Variants in INPP5D observed in about 807,000 individuals in gnomAD.
INPP5D encodes the protein phosphatidylinositol 3,4,5-trisphosphate 5-phosphatase 1.
INPP5D carries 33 observed loss-of-function variants against 122.9 expected under a neutral mutation model. That is an observed-to-expected ratio of 0.27 (90% confidence interval 0.20 to 0.36). The LOEUF is 0.36. INPP5D is among the 10% of genes least tolerant of loss of function. The probability of loss-of-function intolerance (pLI) is 1.00; values close to 1 mark genes in which losing one functional copy is unlikely to be tolerated. For synonymous variants in INPP5D, 584 were observed against 576.2 expected, an observed-to-expected ratio of 1.01 and a Z score of -0.19; for missense variants, 1,053 against 1,412.7, an observed-to-expected ratio of 0.75 and a Z score of 4.08.
rs768632204 is a variant in INPP5D, at chr2:233,185,913, G to C, written c.2346G>C (p.Glu782Asp). 1.2e-6 allele frequency: 2 copies of C among 1,605,148 alleles called. No individual in the cohort carries two copies. Among genetic ancestry groups the C allele is most frequent in the Non-Finnish European group, 1.7e-6 (2 of 1,175,818 alleles). ...GGGAGCTGGTGGTGAAGTTTGGTGA[G>C]ACTCTTCCAAAGGTAATTCTAGAGC... ...SEGELVVKFG[E>D]TLPKLKPIIS... The change falls in exon 21 of 27, where the codon GAG (glutamate) becomes GAC (aspartate). Residue 782 changes from glutamate (E) to aspartate (D), a missense_variant. This residue lies in a region of INPP5D where 258 missense variants were observed against 439.1 expected (regional missense o/e 0.59). Transcript: ENST00000445964.
intron 1 of INPP5D, among the ~76,000 whole-genome samples, chr2:233,074,611 G>GT (rs556545421): frequency 1.6e-4 from 24 of 151,396 alleles, no homozygotes; most frequent in Admixed American, 3.9e-4. Context: ...GGTGCAAATA[G>GT]TTTTTTTTGT....
chr2:233,107,915 T>G (rs1692510351), intron 2 of INPP5D, among the ~76,000 whole-genome samples: 1 of 152,140 alleles, frequency 6.6e-6, no homozygotes, highest in Non-Finnish European at 1.5e-5. Flanking sequence ...ACACTGAGAT[T>G]CTGACCGAGA....
At chr2:233,085,321 G>A (rs1175456834) in intron 2 of INPP5D, among the ~76,000 whole-genome samples, 4 of 151,948 alleles carry the variant, frequency 2.6e-5, no homozygotes, top group Non-Finnish European at 5.9e-5. Context: ...GAGAGGCAGA[G>A]GCTGCAGCGA....
chr2:233,118,218 C>G (rs1692859184), intron 2 of INPP5D, among the ~76,000 whole-genome samples: 1 of 152,162 alleles, frequency 6.6e-6, no homozygotes, highest in Non-Finnish European at 1.5e-5. Context: ...GCACGGTTGC[C>G]CTTCAAACAG....
chr2:233,185,433 A>G (rs1346927210), intron 20 of INPP5D, among the ~76,000 whole-genome samples: 1 of 152,150 alleles, frequency 6.6e-6, no homozygotes, highest in Non-Finnish European at 1.5e-5. Context: ...AGACAGTTCC[A>G]TACATTTCTA....
intron 2 of INPP5D, among the ~76,000 whole-genome samples, chr2:233,088,419 C>T (rs1170849149): frequency 2.6e-5 from 4 of 152,202 alleles, no homozygotes; most frequent in Non-Finnish European, 5.9e-5. Context: ...CGTGAGGCTG[C>T]CGATGCTTCC....
rs1434360451 is a variant in INPP5D at position 233,105,344 on chromosome 2, G to GCTCC, written c.199-16760_199-16757dup. Among the ~76,000 whole-genome samples the GCTCC allele has an allele frequency of 6.6e-6, 1 of 152,188 alleles. No homozygotes were observed. Among genetic ancestry groups the GCTCC allele is most frequent in the Non-Finnish European group, 1.5e-5 (1 of 68,030 alleles). ...TGCCGCTCCCTTCGCCCGCCAGGGT[G>GCTCC]CTCCCTGTCTCTTTGCCCCACCACC... On this transcript the variant is annotated intron_variant, in intron 2 of 26. Transcript: ENST00000445964. This position sits in a 1 kb window ranked among gnomAD's most constrained non-coding sequence, Gnocchi z 4.0.
intron 4 of INPP5D, among the ~76,000 whole-genome samples, chr2:233,127,639 G>A (rs1403861739): frequency 6.6e-6 from 1 of 152,088 alleles, no homozygotes; most frequent in African/African-American, 2.4e-5. Context: ...ACGGAGTTTT[G>A]CTCTTGTTGC....
chr2:233,156,587 G>T (rs36131511), intron 9 of INPP5D, among the ~76,000 whole-genome samples: 3 of 152,026 alleles, frequency 2.0e-5, no homozygotes, highest in Non-Finnish European at 4.4e-5. Flanking sequence ...GAGCCACCGC[G>T]CCTGGCCCAC....
chr2:233,101,376 C>T (rs1465130905), intron 2 of INPP5D, among the ~76,000 whole-genome samples: 1 of 151,990 alleles, frequency 6.6e-6, no homozygotes, highest in Non-Finnish European at 1.5e-5. Flanking sequence ...CAAGTCCTGG[C>T]GAGGTCTGCC....
chr2:233,198,098 C>T lies in INPP5D; in HGVS notation c.2697C>T (p.Ala899=), dbSNP rs754359257. The change falls in exon 25 of 27, where the codon GCC becomes GCT. Residue 899 remains alanine (A), a synonymous_variant. Coordinates refer to ENST00000445964, the MANE Select transcript of INPP5D (RefSeq NM_001017915.3). The part of the protein sequence containing the change: ...PMKQWEVTSR[A]PPCSGSSITE... ...TGACTCCATGTCCTCCCTGCAGGGC[C>T]CCTCCGTGCAGTGGCTCCAGCATCA... The T allele has an allele frequency of 3.1e-6, 5 of 1,593,452 alleles. No individual in the cohort carries two copies. The highest frequency in any genetic ancestry group is 4.3e-6 in the Non-Finnish European group (5 of 1,167,938).
chr2:233,126,381 C>T (rs942527330), intron 4 of INPP5D, among the ~76,000 whole-genome samples: 1 of 152,188 alleles, frequency 6.6e-6, no homozygotes, highest in Non-Finnish European at 1.5e-5. Flanking sequence ...CCTCCTCCTA[C>T]TCTCTCACTT....
chr2:233,172,583 GA>G (rs58724346), intron 17 of INPP5D, among the ~76,000 whole-genome samples: 48,693 of 152,070 alleles, frequency 0.32, 9,960 homozygotes, highest in Non-Finnish European at 0.45. Context: ...GCTTGAAGGG[GA>G]AAAAAATAGA....
At position 233,204,302 on chromosome 2, in the gene INPP5D, C is replaced by T. The variant is rs772468634; in HGVS notation, c.3152C>T (p.Pro1051Leu). The change falls in exon 26 of 27, where the codon CCG becomes CTG. Residue 1051 changes from proline to leucine, a missense_variant. Transcript: ENST00000445964. The stretch of plus-strand genomic sequence containing the variant: ...CCGCGGAAGGAACCCCCGCCCTGCC[C>T]GGAACCCGGCATCTTGTCGCCCAGC... ...KMPRKEPPPC[P>L]EPGILSPSIV... is the part of the protein sequence containing the mutation. 13 of 1,612,348 alleles carry T rather than the reference C, an allele frequency of 8.1e-6. No individual in the cohort carries two copies. Among genetic ancestry groups the T allele is most frequent in the Admixed American group, 3.3e-5 (2 of 59,902 alleles).
chr2:233,201,008 A>ATAAATAAATAAG (rs1232254689), intron 25 of INPP5D, among the ~76,000 whole-genome samples: 3 of 147,020 alleles, frequency 2.0e-5, no homozygotes, highest in African/African-American at 7.5e-5. Flanking sequence ...AAATAAATAA[A>ATAAATAAATAAG]TAGATGAGAG....
chr2:233,170,479 G>T lies in INPP5D; in HGVS notation c.1792-17G>T, dbSNP rs1233070511. ...GCAGGGCTTCTCACCAGAGGCCCGGGCATGTTCTTGTTCCAGGAGGCAGAA... is the reference window on the plus strand; with the variant it reads ...GCAGGGCTTCTCACCAGAGGCCCGGTCATGTTCTTGTTCCAGGAGGCAGAA... On this transcript the variant is annotated splice_polypyrimidine_tract_variant and intron_variant, in intron 15 of 26. Transcript: ENST00000445964. The surrounding 1 kb of genome is among the most constrained non-coding windows in gnomAD (Gnocchi z 4.5). 1 of 1,613,628 alleles carries T rather than the reference G, an allele frequency of 6.2e-7. No individual in the cohort carries two copies. Among genetic ancestry groups the T allele is most frequent in the South Asian group, 1.1e-5 (1 of 91,042 alleles).
chr2:233,073,150 C>T (rs1158014349), intron 1 of INPP5D, among the ~76,000 whole-genome samples: 2 of 152,148 alleles, frequency 1.3e-5, no homozygotes, highest in African/African-American at 4.8e-5. Context: ...TTGCTGGCTG[C>T]ACAGGGCAGG....
At chr2:233,081,912 G>C (rs532114772) in intron 2 of INPP5D, among the ~76,000 whole-genome samples, 1 of 152,268 alleles carries the variant, frequency 6.6e-6, no homozygotes, top group African/African-American at 2.4e-5. Context: ...AGCCACTCAG[G>C]GGCTGCCAGT....
In INPP5D at chr2:233,078,772, T is replaced by G. The variant is rs181049170; in HGVS notation, c.135-563T>G. On this transcript the variant is annotated intron_variant, in intron 1 of 26. Transcript: ENST00000445964. The surrounding 1 kb of genome is among the most constrained non-coding windows in gnomAD (Gnocchi z 4.6). ...TTCTCGGCTCACTGCAACCTCCGCC[T>G]CCTGGGTTCAAGTGATTCTTTTGCC... 4.3e-3 allele frequency among the ~76,000 whole-genome samples: 658 copies of G among 152,270 alleles called. 4 individuals are homozygous for G. Among genetic ancestry groups the G allele is most frequent in the African/African-American group, 0.015 (629 of 41,552 alleles).
Sources: allele counts gnomAD v4.1 joint callset (sites outside exome capture counted in the v4.1 genomes callset), GRCh38; gene constraint gnomAD v4.1.1; regional missense constraint gnomAD v4.1.1; non-coding constraint Gnocchi (gnomAD v3.1); transcripts MANE v1.5; gene names NCBI Gene and HGNC (gene_info 2026-07-23, HGNC 2026-07-21).